BLK: variants seen among roughly 807,000 people sequenced by gnomAD.
BLK encodes the protein tyrosine-protein kinase Blk.
Under a neutral mutation model 61.8 loss-of-function variants are expected in BLK, and 64 were observed. The ratio of observed to expected loss-of-function variants is 1.03; its 90% confidence interval spans 0.85 to 1.27. BLK has a LOEUF of 1.27. Ranked by LOEUF, BLK falls within the 50% of genes most tolerant of loss-of-function variation. The probability of loss-of-function intolerance (pLI) is 0.00; values close to 1 mark genes in which losing one functional copy is unlikely to be tolerated. For missense variants in BLK, 853 were observed against 660.5 expected (o/e 1.29, Z -3.19); for synonymous variants, 351 against 272.0 (o/e 1.29, Z -2.86).
At chr8:11,518,195 G>T (rs1241536626) in intron 1 of BLK, among the ~76,000 whole-genome samples, 1 of 152,172 alleles carries the variant, frequency 6.6e-6, no homozygotes, top group Non-Finnish European at 1.5e-5. Context: ...GCCTTGGCTT[G>T]GCGGTCTTTC....
intron 10 of BLK, chr8:11,558,385 G>A (rs1801330587): frequency 5.3e-6 from 2 of 374,804 alleles, no homozygotes; most frequent in African/African-American, 4.2e-5. Flanking sequence ...GAACCCGGCA[G>A]GCAAGTGTGT....
chr8:11,556,496 G>A (rs758145926), intron 8 of BLK, 162 bp from the exon 9 acceptor site: 336 of 820,792 alleles, frequency 4.1e-4, no homozygotes, highest in African/African-American at 2.0e-3. Context: ...GACCTGGAAC[G>A]CAAGGTAGGC....
chr8:11,556,208 T>C (rs1183688562), intron 8 of BLK: 3 of 269,976 alleles, frequency 1.1e-5, no homozygotes, highest in African/African-American at 2.2e-5. Flanking sequence ...GAGATACAGA[T>C]AGTTTAAGGA....
chr8:11,509,587 G>A (rs1798918684), intron 1 of BLK: 1 of 152,170 alleles, frequency 6.6e-6, no homozygotes, highest in Non-Finnish European at 1.5e-5. Flanking sequence ...TAAGCCTGGG[G>A]GTGCTCTGCC....
Position 11,556,796 on chromosome 8 carries a change from C to T in BLK, c.911C>T (p.Thr304Ile), listed in dbSNP as rs1336733783. ...ERLVRLYAVV[T>I]KEPIYIVTEY... ...CTGGTCCGACTCTACGCAGTGGTCA[C>T]CAAGGAGCCCATCTACATTGTCACC... Residue 304 changes from threonine to isoleucine, a missense_variant, in exon 9 of 13, where the codon ACC becomes ATC. Thr to Ile is a moderately conservative substitution (Grantham distance 89, BLOSUM62 -1). Transcript: ENST00000259089. 40 of 1,614,068 alleles carry T rather than the reference C, an allele frequency of 2.5e-5. No individual in the cohort carries two copies. Among genetic ancestry groups the T allele is most frequent in the Non-Finnish European group, 3.4e-5 (40 of 1,180,034 alleles).
At chr8:11,501,190 T>C (rs1258581402) in intron 1 of BLK, among the ~76,000 whole-genome samples, 1 of 152,002 alleles carries the variant, frequency 6.6e-6, no homozygotes, top group Non-Finnish European at 1.5e-5. Flanking sequence ...GACGACAGAG[T>C]GAAAAAAATT....
At chr8:11,563,135 C>A (rs73545895) in intron 12 of BLK, 25 bp downstream of exon 12, 4 of 1,613,198 alleles carry the variant, frequency 2.5e-6, no homozygotes, top group Non-Finnish European at 3.4e-6. Context: ...CCGCAGCTCG[C>A]GGCTCCCTGC....
chr8:11,564,051 G>A lies in BLK; in HGVS notation c.1461G>A (p.Gln487=). ...AGCGGCCCACCTTCGAGTTCCTGCA[G>A]TCGGTGCTGGAGGACTTCTACACGG... ...PEERPTFEFL[Q]SVLEDFYTAT... The change falls in exon 13 of 13, where the codon CAG becomes CAA. Residue 487 remains glutamine, a synonymous_variant. Transcript: ENST00000259089. 1 of 1,602,448 alleles carries A rather than the reference G, an allele frequency of 6.2e-7. No homozygotes were observed. Among genetic ancestry groups the A allele is most frequent in the African/African-American group, 1.3e-5 (1 of 74,984 alleles).
At chr8:11,545,797 A>C (rs950817373) in intron 2 of BLK, 3 of 540,726 alleles carry the variant, frequency 5.5e-6, no homozygotes, top group African/African-American at 3.8e-5. Context: ...CTCATTGTCC[A>C]CAGCTGTCTC....
chr8:11,515,835 C>T (rs930348006), intron 1 of BLK, among the ~76,000 whole-genome samples: 1 of 152,180 alleles, frequency 6.6e-6, no homozygotes, highest in African/African-American at 2.4e-5. Flanking sequence ...CAGGGAATTG[C>T]TTTAGTTGTT....
intron 1 of BLK, among the ~76,000 whole-genome samples, chr8:11,508,234 G>C (rs890395074): frequency 2.0e-5 from 3 of 152,208 alleles, no homozygotes; most frequent in Admixed American, 6.5e-5. Context: ...AGCGTGTCAC[G>C]GCGCGAAGGC....
At chr8:11,519,167 C>A (rs1799341973) in intron 1 of BLK, among the ~76,000 whole-genome samples, 1 of 152,216 alleles carries the variant, frequency 6.6e-6, no homozygotes, top group African/African-American at 2.4e-5. Context: ...GTTGCAAGAT[C>A]TGTCTCAAAA....
At chr8:11,532,206 T>C (rs886499457) in intron 1 of BLK, among the ~76,000 whole-genome samples, 2 of 125,588 alleles carry the variant, frequency 1.6e-5, no homozygotes, top group African/African-American at 2.9e-5. Flanking sequence ...TATTTATTTA[T>C]TTATTTATTT....
chr8:11,552,098 C>T (rs1279339230), intron 6 of BLK, among the ~76,000 whole-genome samples: 1 of 152,154 alleles, frequency 6.6e-6, no homozygotes, highest in Admixed American at 6.5e-5. Flanking sequence ...GTCTGGTTCC[C>T]TGTGGTTGGG....
rs1348639265 is a variant in BLK, at chr8:11,546,072, T to C, written c.144T>C (p.Thr48=). ...CCAAGGTTGTCTTCAACCACCTTAC[T>C]CCTCCACCGCCCGATGAACACCTGG... is the stretch of plus-strand genomic sequence containing the variant. ...LPPLVVFNHL[T]PPPPDEHLDE... is the part of the protein sequence containing the mutation. Residue 48 remains threonine, a synonymous_variant, in exon 3 of 13, where the codon ACT becomes ACC. Transcript: ENST00000259089. 1.2e-6 allele frequency: 2 copies of C among 1,614,010 alleles called. No individual in the cohort carries two copies. The highest frequency in any genetic ancestry group is 1.7e-6 in the Non-Finnish European group (2 of 1,180,026).
chr8:11,532,917 C>T lies in BLK; in HGVS notation c.-1-10307C>T, dbSNP rs151045547. On this transcript the variant is annotated intron_variant, in intron 1 of 12. Transcript: ENST00000259089. ...TAAAATTGGTTTTTGAATAACAGTT[C>T]TGTGACTTACTGTACCTTCAGCAAG... is the stretch of plus-strand genomic sequence containing the variant. Among the ~76,000 whole-genome samples the T allele has an allele frequency of 2.6e-3, 391 of 152,324 alleles. 4 individuals carry two copies. Among genetic ancestry groups the T allele is most frequent in the African/African-American group, 9.0e-3 (374 of 41,562 alleles).
intron 1 of BLK, among the ~76,000 whole-genome samples, chr8:11,497,838 A>G (rs1798413153): frequency 6.6e-6 from 1 of 152,200 alleles, no homozygotes. Flanking sequence ...CCTGTAAGAC[A>G]GTGTGGTATA....
intron 1 of BLK, among the ~76,000 whole-genome samples, chr8:11,503,380 T>A (rs768741766): frequency 2.6e-5 from 4 of 152,126 alleles, no homozygotes; most frequent in Non-Finnish European, 5.9e-5. Flanking sequence ...TTTATCTGGT[T>A]TCCTCTGATC....
At chr8:11,522,120 G>A (rs1305724123) in intron 1 of BLK, among the ~76,000 whole-genome samples, 3 of 151,948 alleles carry the variant, frequency 2.0e-5, no homozygotes, top group Non-Finnish European at 2.9e-5. Flanking sequence ...CTCCATACAA[G>A]TTTGCACATA....
Sources: allele counts gnomAD v4.1 joint callset (sites outside exome capture counted in the v4.1 genomes callset), GRCh38; gene constraint gnomAD v4.1.1; transcripts MANE v1.5; gene names NCBI Gene and HGNC (gene_info 2026-07-23, HGNC 2026-07-21).